The following DGKH variants were observed in gnomAD, a reference collection of about 807,000 sequenced individuals.
DGKH encodes the protein diacylglycerol kinase eta.
DGKH carries 90 observed loss-of-function variants against 159.3 expected under a neutral mutation model. The ratio of observed to expected loss-of-function variants is 0.57; its 90% CI spans 0.48 to 0.67. The LOEUF is 0.67. DGKH is among the 30% of genes least tolerant of loss of function. DGKH has a pLI of 0.00. For missense variants in DGKH, 1,181 were observed against 1,506.1 expected (o/e 0.78, Z 3.57); for synonymous variants, 536 against 553.8 (o/e 0.97, Z 0.45).
At position 42,235,518 on chromosome 13, in the gene DGKH, A is replaced by G. The variant is rs1480505836; in HGVS notation, c.*6330A>G. ...TAAGGCCATTAAGGTAGGATAATGC[A>G]GTTACATATACAAACTAAAAAAGGA... On this transcript the variant is annotated 3_prime_UTR_variant, in exon 30 of 30. Coordinates refer to ENST00000337343, the MANE Select transcript of DGKH (RefSeq NM_178009.5). 2 of 152,192 alleles carry G rather than the reference A, an allele frequency of 1.3e-5. No individual in the cohort carries two copies. Among genetic ancestry groups the G allele is most frequent in the Non-Finnish European group, 2.9e-5 (2 of 68,002 alleles). 9.4% of individuals were successfully genotyped at this position (152,192 alleles called of 1,614,324 possible). A position where few individuals can be genotyped will look rare whatever the true frequency, so the allele number is the denominator to read the frequency against.
intron 1 of DGKH, among the ~76,000 whole-genome samples, chr13:42,062,467 G>A (rs983801821): frequency 1.3e-5 from 2 of 152,152 alleles, no homozygotes; most frequent in African/African-American, 4.8e-5. Context: ...ATTTGATCCC[G>A]GGTAGCCAGA....
In DGKH at chr13:42,206,037, A is replaced by C; in HGVS notation, c.2494-2A>C. On this transcript the variant is annotated splice_acceptor_variant, in intron 20 of 29. Transcript: ENST00000337343. LOFTEE classifies it high-confidence loss of function. ...CTTTTTTTTTTTTTTTTTACCTTAC[A>C]GTGTGATGGGCAGTATATTCCTCTT... 7.6e-7 allele frequency: 1 copy of C among 1,324,028 alleles called. No individual in the cohort carries two copies. 82.0% of individuals were successfully genotyped at this position (1,324,028 alleles called of 1,614,324 possible). A position where few individuals can be genotyped will look rare whatever the true frequency, so the allele number is the denominator to read the frequency against.
Position 42,159,262 on chromosome 13 carries a change from T to TTTTTTTTTTTTTTTTTTTTTTTTG in DGKH, c.623-3_623-2insTTTTTTTTTTTTTTTTTTTTTTGT. On this transcript the variant is annotated splice_polypyrimidine_tract_variant and splice_region_variant and intron_variant, in intron 5 of 29. Coordinates refer to ENST00000337343, the MANE Select transcript of DGKH (RefSeq NM_178009.5). ...AGTTGCTCTTTTTTTTTTTTTTTTT[T>TTTTTTTTTTTTTTTTTTTTTTTTG]TAGTGTGTAAATTCAAGGCTCACAA... is the stretch of plus-strand genomic sequence containing the variant. 8.0e-7 allele frequency: 1 copy of TTTTTTTTTTTTTTTTTTTTTTTTG among 1,248,608 alleles called. No individual in the cohort carries two copies. Among genetic ancestry groups the TTTTTTTTTTTTTTTTTTTTTTTTG allele is most frequent in the Non-Finnish European group, 1.1e-6 (1 of 892,650 alleles). 77.3% of individuals were successfully genotyped at this position (1,248,608 alleles called of 1,614,324 possible).
At chr13:42,146,407 T>C (rs1218975835) in intron 3 of DGKH, among the ~76,000 whole-genome samples, 1 of 152,212 alleles carries the variant, frequency 6.6e-6, no homozygotes, top group Non-Finnish European at 1.5e-5. Context: ...ACTATCATTA[T>C]CTGGAATCAG....
chr13:42,163,385 G>T (rs1331200194), intron 7 of DGKH, among the ~76,000 whole-genome samples: 1 of 152,164 alleles, frequency 6.6e-6, no homozygotes, highest in Non-Finnish European at 1.5e-5. Context: ...CCAGTAATGG[G>T]ATGGCTGGGT....
Position 42,058,928 on chromosome 13 carries a change from A to T in DGKH, c.192+9963A>T, listed in dbSNP as rs74049671. Among the ~76,000 whole-genome samples the T allele has an allele frequency of 5.8e-3, 886 of 152,166 alleles. 9 individuals are homozygous for T. Among genetic ancestry groups the T allele is most frequent in the African/African-American group, 0.02 (821 of 41,554 alleles). On this transcript the variant is annotated intron_variant, in intron 1 of 29. Coordinates refer to ENST00000337343, the MANE Select transcript of DGKH (RefSeq NM_178009.5). ...ATTAGCCACATTGGATTTTGACATG[A>T]GGGGGAAATAGAGCTTTATTGTGTT... is the stretch of plus-strand genomic sequence containing the variant.
At chr13:42,214,974 A>G (rs1957752502) in intron 25 of DGKH, among the ~76,000 whole-genome samples, 1 of 152,028 alleles carries the variant, frequency 6.6e-6, no homozygotes, top group African/African-American at 2.4e-5. Flanking sequence ...GCATTTTGTT[A>G]GAGATGTCCA....
chr13:42,111,476 A>C (rs2137802519), intron 1 of DGKH, among the ~76,000 whole-genome samples: 1 of 152,274 alleles, frequency 6.6e-6, no homozygotes, highest in African/African-American at 2.4e-5. Context: ...GCTACTTGGG[A>C]GGTTGAGGTG....
chr13:42,169,384 T>C (rs761360111), intron 11 of DGKH, among the ~76,000 whole-genome samples: 3 of 152,216 alleles, frequency 2.0e-5, no homozygotes, highest in Non-Finnish European at 4.4e-5. Flanking sequence ...GTGTTTATGC[T>C]GTTCTTGATC....
At chr13:42,154,053 C>T (rs906417274) in intron 3 of DGKH, 4 of 152,150 alleles carry the variant, frequency 2.6e-5, no homozygotes, top group Non-Finnish European at 4.4e-5. Flanking sequence ...GAATATTGGA[C>T]TTATTTTCTA....
chr13:42,209,799 C>G (rs1176447697), intron 23 of DGKH, among the ~76,000 whole-genome samples: 1 of 152,094 alleles, frequency 6.6e-6, no homozygotes, highest in Non-Finnish European at 1.5e-5. Flanking sequence ...TGAGTCAATA[C>G]TGATTGATTA....
At chr13:42,081,540 A>G (rs979690637) in intron 1 of DGKH, among the ~76,000 whole-genome samples, 2 of 152,142 alleles carry the variant, frequency 1.3e-5, no homozygotes, top group African/African-American at 4.8e-5. Flanking sequence ...TTTTTCTCCT[A>G]TTTTTAAAAT....
intron 21 of DGKH, among the ~76,000 whole-genome samples, chr13:42,207,695 G>GTATATATATATATATA (rs55668821): frequency 1.4e-5 from 2 of 140,282 alleles, no homozygotes; most frequent in East Asian, 5.0e-4. Flanking sequence ...ATTAAAGTGT[G>GTATATATATATATATA]TATATATATA....
intron 3 of DGKH, among the ~76,000 whole-genome samples, chr13:42,148,921 A>G (rs999772778): frequency 9.0e-6 from 1 of 111,112 alleles, no homozygotes; most frequent in Non-Finnish European, 1.9e-5. Context: ...TGGCCTTCCC[A>G]CCCACAACCC....
At chr13:42,152,103 C>T (rs1194210977) in intron 3 of DGKH, among the ~76,000 whole-genome samples, 1 of 151,958 alleles carries the variant, frequency 6.6e-6, no homozygotes, top group East Asian at 1.9e-4. Flanking sequence ...TGTTCCTGTC[C>T]TTTGCCCACT....
chr13:42,082,342 T>C (rs1361176488), intron 1 of DGKH, among the ~76,000 whole-genome samples: 2 of 151,974 alleles, frequency 1.3e-5, no homozygotes, highest in Non-Finnish European at 2.9e-5. Flanking sequence ...TTTAAAAGAG[T>C]ATTTTTCTAG....
intron 13 of DGKH, among the ~76,000 whole-genome samples, chr13:42,185,712 A>G (rs1435246232): frequency 2.6e-5 from 4 of 152,194 alleles, no homozygotes; most frequent in African/African-American, 9.7e-5. Flanking sequence ...AGTGTTATAT[A>G]TATTTCGAGA....
chr13:42,102,602 C>G (rs1405469708), intron 1 of DGKH, among the ~76,000 whole-genome samples: 1 of 152,188 alleles, frequency 6.6e-6, no homozygotes, highest in Non-Finnish European at 1.5e-5. Flanking sequence ...GACACTCTGC[C>G]TAGTGAATTA....
At chr13:42,161,781 CAAA>C (rs34855614) in intron 7 of DGKH, among the ~76,000 whole-genome samples, 1 of 100,548 alleles carries the variant, frequency 9.9e-6, no homozygotes, top group African/African-American at 3.9e-5. Flanking sequence ...CTCTGCCTCT[CAAA>C]AAAAAAAAAA....
Sources: allele counts gnomAD v4.1 joint callset (sites outside exome capture counted in the v4.1 genomes callset), GRCh38; gene constraint gnomAD v4.1.1; transcripts MANE v1.5; gene names NCBI Gene and HGNC (gene_info 2026-07-23, HGNC 2026-07-21).